Variants in IGF2BP1 observed in about 807,000 individuals in gnomAD.
The protein encoded by IGF2BP1 is insulin like growth factor 2 mRNA binding protein 1, also known as insulin-like growth factor 2 mRNA-binding protein 1.
A neutral mutation model predicts 74.9 loss-of-function variants in IGF2BP1; 11 were observed. The ratio of observed to expected loss-of-function variants is 0.15; its 90% confidence interval spans 0.09 to 0.24. The LOEUF (loss-of-function observed/expected upper bound fraction) is 0.24, where lower values mean the gene tolerates loss of function less well. Among genes scored for constraint, IGF2BP1 ranks in the 10% least tolerant of loss-of-function variants. The probability of loss-of-function intolerance (pLI) is 1.00; values close to 1 mark genes in which losing one functional copy is unlikely to be tolerated. For missense variants in IGF2BP1, 440 were observed against 757.4 expected, an observed-to-expected ratio of 0.58 and a Z score of 4.92; for synonymous variants, 287 against 281.8, an observed-to-expected ratio of 1.02 and a Z score of -0.18.
chr17:49,031,177 G>A (rs2041917250), intron 4 of IGF2BP1, among the ~76,000 whole-genome samples: 1 of 152,076 alleles, frequency 6.6e-6, no homozygotes, highest in Non-Finnish European at 1.5e-5. Context: ...GGAGTGCGTT[G>A]GCTCGTTGCA....
At chr17:49,026,675 T>G (rs548272210) in intron 4 of IGF2BP1, among the ~76,000 whole-genome samples, 158 bp downstream of exon 4, 28 of 30,438 alleles carry the variant, frequency 9.2e-4, no homozygotes, top group Middle Eastern at 0.023. Context: ...CTGCCTTCCT[T>G]CCTGCCTTCC....
Position 49,052,649 on chromosome 17 carries a change from G to A in IGF2BP1, c.*3205G>A, listed in dbSNP as rs1167591232. The A allele has an allele frequency of 1.3e-5, 2 of 152,548 alleles. No individual in the cohort carries two copies. Among genetic ancestry groups the A allele is most frequent in the South Asian group, 2.1e-4 (1 of 4,810 alleles). 9.4% of individuals were successfully genotyped at this position (152,548 alleles called of 1,614,324 possible). ...TTAGTGGGATGAAGGACCTGTCTTG[G>A]TGGGCCGGGCCCTCTTGTGCCCCGT... On this transcript the variant is annotated 3_prime_UTR_variant, in exon 15 of 15. Transcript: ENST00000290341.
chr17:49,024,226 T>C (rs2041826112), intron 2 of IGF2BP1, among the ~76,000 whole-genome samples: 1 of 150,652 alleles, frequency 6.6e-6, no homozygotes, highest in South Asian at 2.1e-4. Context: ...CCACCGCGCG[T>C]GGCTAAAAAT....
At position 49,046,276 on chromosome 17, in the gene IGF2BP1, A is replaced by G; in HGVS notation, c.1544A>G (p.Asn515Ser). ...CACCCCCAGGTGAACGAGTTGCAGA[A>G]TTTGACGGCAGCTGAGGTGGTAGTA... ...KGGKTVNELQ[N>S]LTAAEVVVPR... is the part of the protein sequence containing the mutation. The change falls in exon 14 of 15, where the codon AAT becomes AGT. Residue 515 changes from asparagine to serine, a missense_variant. By Grantham distance (46) the Asn-to-Ser change is conservative. Transcript: ENST00000290341. 3.1e-6 allele frequency: 5 copies of G among 1,614,074 alleles called. No homozygotes were observed. Among genetic ancestry groups the G allele is most frequent in the Non-Finnish European group, 4.2e-6 (5 of 1,179,940 alleles).
chr17:49,002,679 CTTA>C (rs2041500673), intron 2 of IGF2BP1, among the ~76,000 whole-genome samples: 1 of 147,636 alleles, frequency 6.8e-6, no homozygotes, highest in African/African-American at 2.5e-5. Context: ...AAAAGGTTTT[CTTA>C]TTAATATTAG....
chr17:49,024,722 T>A (rs891875259), intron 2 of IGF2BP1, among the ~76,000 whole-genome samples: 4 of 152,238 alleles, frequency 2.6e-5, no homozygotes, highest in Non-Finnish European at 5.9e-5. Context: ...TGCCAAGGAC[T>A]TAACCACTGC....
At chr17:49,001,097 G>T (rs2041483407) in intron 2 of IGF2BP1, among the ~76,000 whole-genome samples, 1 of 152,070 alleles carries the variant, frequency 6.6e-6, no homozygotes. Context: ...TTTCTAGAAT[G>T]AATCAATTTT....
chr17:49,026,607 T>G, intron 4 of IGF2BP1, 90 bp downstream of exon 4: 2 of 1,173,782 alleles, frequency 1.7e-6, no homozygotes, highest in Non-Finnish European at 1.3e-6. Flanking sequence ...TTCTTTCTTT[T>G]TCTCCCTTCC....
intron 13 of IGF2BP1, 41 bp downstream of exon 13, chr17:49,046,062 C>G (rs1376014908): frequency 6.2e-7 from 1 of 1,606,190 alleles, no homozygotes; most frequent in South Asian, 1.1e-5. Context: ...GGGCCTTGGT[C>G]TCCAATCTCA....
In IGF2BP1 at chr17:49,043,937, C is replaced by A. The variant is rs71379327; in HGVS notation, c.1201-30C>A. 6.9e-4 allele frequency: 1,109 copies of A among 1,610,422 alleles called. 2 individuals carry two copies. The African/African-American group carries it at 0.012, about 18-fold the overall frequency. On this transcript the variant is annotated intron_variant, in intron 10 of 14. Coordinates refer to ENST00000290341, the MANE Select transcript of IGF2BP1 (RefSeq NM_006546.4). ...GTTTCTGGGCCATGCTACTTGGGCC[C>A]CCTGGTAACAACGCCTCCTATCCTG...
At chr17:49,037,188 GA>G in intron 5 of IGF2BP1, 2 of 475,068 alleles carry the variant, frequency 4.2e-6, no homozygotes, top group South Asian at 1.8e-5. Flanking sequence ...AATAATGAGA[GA>G]AAAGGCCAGA....
chr17:49,030,148 T>TA (rs2041906021), intron 4 of IGF2BP1, among the ~76,000 whole-genome samples: 1 of 151,146 alleles, frequency 6.6e-6, no homozygotes, highest in Non-Finnish European at 1.5e-5. Flanking sequence ...GGACTTTTTT[T>TA]TTTTTTTTTT....
At chr17:49,029,047 C>T (rs1567820102) in intron 4 of IGF2BP1, among the ~76,000 whole-genome samples, 1 of 152,106 alleles carries the variant, frequency 6.6e-6, no homozygotes, top group African/African-American at 2.4e-5. Flanking sequence ...CCTTGTGATC[C>T]GCCCACCTCG....
At chr17:49,036,737 G>A (rs1454553917) in intron 5 of IGF2BP1, 2 of 152,650 alleles carry the variant, frequency 1.3e-5, no homozygotes, top group Non-Finnish European at 2.9e-5. Context: ...ATCACCTGAG[G>A]TCGGGAGTTG....
Position 49,038,573 on chromosome 17 carries a change from C to G in IGF2BP1, c.683+124C>G, listed in dbSNP as rs1461992742. The G allele has an allele frequency of 4.0e-6, 4 of 1,007,368 alleles. No homozygotes were observed. In the South Asian group the frequency reaches 9.0e-5, roughly 23 times the overall value. 62.4% of individuals were successfully genotyped at this position (1,007,368 alleles called of 1,614,324 possible). The stretch of plus-strand genomic sequence containing the variant: ...ACCTTTTAGGAAATGTTGCCTGGAG[C>G]ATTCAGGGGTCCCTGCTTCCAATAC... On this transcript the variant is annotated intron_variant, in intron 6 of 14. Transcript: ENST00000290341.
At chr17:49,024,657 CA>C (rs1005198564) in intron 2 of IGF2BP1, among the ~76,000 whole-genome samples, 1 of 152,182 alleles carries the variant, frequency 6.6e-6, no homozygotes, top group African/African-American at 2.4e-5. Flanking sequence ...AGAGGTTAAA[CA>C]ATCTTGTAAA....
intron 2 of IGF2BP1, among the ~76,000 whole-genome samples, chr17:49,002,155 A>G (rs1001976812): frequency 6.6e-6 from 1 of 152,100 alleles, no homozygotes; most frequent in African/African-American, 2.4e-5. Context: ...TTGACTAAAA[A>G]TGAGGTGGGC....
chr17:49,047,720 T>TC (rs1311246811), intron 14 of IGF2BP1, among the ~76,000 whole-genome samples: 2 of 151,520 alleles, frequency 1.3e-5, no homozygotes, highest in Non-Finnish European at 2.9e-5. Flanking sequence ...TCCTCTTTTT[T>TC]TTTTTTTTTT....
intron 2 of IGF2BP1, among the ~76,000 whole-genome samples, chr17:49,007,300 A>C (rs539290642): frequency 6.6e-6 from 1 of 152,144 alleles, no homozygotes; most frequent in African/African-American, 2.4e-5. Flanking sequence ...CTGCTTCTGT[A>C]GTGTCCTCAC....
Sources: allele counts gnomAD v4.1 joint callset (sites outside exome capture counted in the v4.1 genomes callset), GRCh38; gene constraint gnomAD v4.1.1; transcripts MANE v1.5; gene names NCBI Gene and HGNC (gene_info 2026-07-23, HGNC 2026-07-21).